DENND1A: variants seen among roughly 807,000 people sequenced by gnomAD.
DENND1A encodes the protein DENN domain-containing protein 1A.
A neutral mutation model predicts 113.7 loss-of-function variants in DENND1A; 51 were observed. The ratio of observed to expected loss-of-function variants is 0.45; its 90% CI spans 0.36 to 0.57. The LOEUF (loss-of-function observed/expected upper bound fraction) is 0.57, where lower values mean the gene tolerates loss of function less well. Among genes scored for constraint, DENND1A ranks in the 20% least tolerant of loss-of-function variants. The pLI is 0.00. For synonymous variants in DENND1A, 565 were observed against 570.8 expected, an observed-to-expected ratio of 0.99 and a Z score of 0.14; for missense variants, 1,258 against 1,395.9, an observed-to-expected ratio of 0.90 and a Z score of 1.57.
At chr9:123,751,554 C>T (rs1217920880) in intron 5 of DENND1A, 1 of 152,230 alleles carries the variant, frequency 6.6e-6, no homozygotes, top group African/African-American at 2.4e-5. Context: ...GGTCTAAAAA[C>T]ATCATCATCT....
chr9:123,795,075 GT>G (rs762457451), intron 2 of DENND1A, among the ~76,000 whole-genome samples: 7 of 152,122 alleles, frequency 4.6e-5, no homozygotes, highest in Non-Finnish European at 8.8e-5. Flanking sequence ...ACAACTCTTG[GT>G]TTCTTTTCAT....
intron 21 of DENND1A, among the ~76,000 whole-genome samples, chr9:123,395,645 C>A (rs1322749429): frequency 6.6e-6 from 1 of 152,140 alleles, no homozygotes; most frequent in East Asian, 1.9e-4. Flanking sequence ...CTGCCCCTAC[C>A]CCCTGGGGCC....
chr9:123,752,649 G>C (rs1010340363), intron 5 of DENND1A, among the ~76,000 whole-genome samples: 1 of 152,222 alleles, frequency 6.6e-6, no homozygotes, highest in Non-Finnish European at 1.5e-5. Flanking sequence ...AAGTTGGCTA[G>C]AAATCGCATC....
chr9:123,848,408 T>C (rs1362052199), intron 2 of DENND1A, among the ~76,000 whole-genome samples: 1 of 152,186 alleles, frequency 6.6e-6, no homozygotes, highest in East Asian at 1.9e-4. Context: ...GATGTTGCTG[T>C]TGTAATTGTT....
intron 11 of DENND1A, among the ~76,000 whole-genome samples, chr9:123,591,044 T>A (rs2059432461): frequency 6.6e-6 from 1 of 152,102 alleles, no homozygotes; most frequent in Admixed American, 6.5e-5. Flanking sequence ...CCTCTTAGGA[T>A]AAATATAAAA....
At chr9:123,448,115 C>A (rs765353660) in intron 18 of DENND1A, among the ~76,000 whole-genome samples, 1 of 152,224 alleles carries the variant, frequency 6.6e-6, no homozygotes, top group Non-Finnish European at 1.5e-5. Flanking sequence ...AATGTACTGA[C>A]GCTCTCTATA....
chr9:123,413,891 C>T (rs763441087), intron 19 of DENND1A: 438 of 985,340 alleles, frequency 4.4e-4, no homozygotes, highest in Middle Eastern at 5.2e-4. Flanking sequence ...GAGGGGAGCC[C>T]ACCCCCTCCA....
intron 19 of DENND1A, among the ~76,000 whole-genome samples, chr9:123,417,099 A>G (rs551867944): frequency 1.3e-5 from 2 of 152,268 alleles, no homozygotes; most frequent in East Asian, 3.9e-4. Flanking sequence ...GTCTCAGTGA[A>G]CTCTTCTGTA....
At chr9:123,627,467 C>A (rs2061278495) in intron 10 of DENND1A, among the ~76,000 whole-genome samples, 1 of 152,216 alleles carries the variant, frequency 6.6e-6, no homozygotes, top group Non-Finnish European at 1.5e-5. Context: ...CAACAACAGG[C>A]ACGGTGGCTC....
intron 18 of DENND1A, among the ~76,000 whole-genome samples, chr9:123,448,945 G>A (rs553735594): frequency 1.2e-4 from 18 of 152,316 alleles, no homozygotes; most frequent in South Asian, 2.1e-4. Context: ...AGAGTGGTAC[G>A]TTTGGGGGCA....
chr9:123,519,366 G>T (rs971001658), intron 13 of DENND1A, among the ~76,000 whole-genome samples: 9 of 152,022 alleles, frequency 5.9e-5, no homozygotes, highest in Non-Finnish European at 1.3e-4. Flanking sequence ...ATTTGTTCAT[G>T]CCTCCCTCCT....
At chr9:123,731,684 C>T (rs1419287991) in intron 5 of DENND1A, among the ~76,000 whole-genome samples, 1 of 152,058 alleles carries the variant, frequency 6.6e-6, no homozygotes, top group East Asian at 1.9e-4. Context: ...AGATATGACA[C>T]CAAAAACATG....
At chr9:123,461,707 A>C (rs2048537527) in intron 13 of DENND1A, among the ~76,000 whole-genome samples, 1 of 152,202 alleles carries the variant, frequency 6.6e-6, no homozygotes, top group South Asian at 2.1e-4. Flanking sequence ...GGGAGACATA[A>C]ACATTTTGGG....
At chr9:123,836,571 G>A (rs1053807557) in intron 2 of DENND1A, among the ~76,000 whole-genome samples, 1 of 152,082 alleles carries the variant, frequency 6.6e-6, no homozygotes, top group Non-Finnish European at 1.5e-5. Flanking sequence ...CAAAAAGGTG[G>A]TTAAGTAAAA....
At chr9:123,884,997 GCACACA>G (rs57555620) in intron 1 of DENND1A, among the ~76,000 whole-genome samples, 7,931 of 145,872 alleles carry the variant, frequency 0.054, 254 homozygotes, top group African/African-American at 0.083. Context: ...GAGCGCGCGC[GCACACA>G]CACACACACA....
At chr9:123,711,733 T>C (rs1372198961) in intron 5 of DENND1A, among the ~76,000 whole-genome samples, 1 of 151,756 alleles carries the variant, frequency 6.6e-6, no homozygotes, top group Non-Finnish European at 1.5e-5. Context: ...AGTCTCCCCT[T>C]AACCTTCCCA....
chr9:123,394,014 C>T (rs1299821379), intron 21 of DENND1A, among the ~76,000 whole-genome samples: 98 of 146,680 alleles, frequency 6.7e-4, no homozygotes, highest in African/African-American at 2.2e-3. Flanking sequence ...TTTTTTGAGA[C>T]GGAGTCTCAC....
chr9:123,930,109 A>C lies in DENND1A; in HGVS notation c.-204T>G, dbSNP rs1165124835. 3 of 189,136 alleles carry C rather than the reference A, an allele frequency of 1.6e-5. No homozygotes were observed. The highest frequency in any genetic ancestry group is 2.2e-3 in the Middle Eastern group (1 of 458). 11.7% of individuals were successfully genotyped at this position (189,136 alleles called of 1,614,324 possible). On this transcript the variant is annotated 5_prime_UTR_variant, in exon 1 of 24. An upstream start codon of the reference 5' UTR is lost. Coordinates refer to ENST00000394215, the MANE Select transcript of DENND1A (RefSeq NM_001352964.2). ...TACTCGCTCCAGCCCGGCGAACGCC[A>C]TGGTCGCCGGCGCGCGTGCCCGGCG...
At chr9:123,433,417 C>G (rs2046286794) in intron 19 of DENND1A, among the ~76,000 whole-genome samples, 1 of 152,148 alleles carries the variant, frequency 6.6e-6, no homozygotes, top group East Asian at 1.9e-4. Context: ...ACACATGGAT[C>G]TTATATATGT....
Sources: gnomAD v4.1 joint callset for allele counts (sites outside exome capture counted in the v4.1 genomes callset) on GRCh38, gnomAD v4.1.1 for gene constraint, MANE v1.5 for transcripts, NCBI Gene and HGNC (gene_info 2026-07-23, HGNC 2026-07-21) for gene names.